POU6F2: variants seen among roughly 807,000 people sequenced by gnomAD.
POU6F2 encodes POU domain, class 6, transcription factor 2.
In POU6F2, 31 loss-of-function variants were observed where a neutral mutation model predicts 71.3. The observed-to-expected ratio is 0.43, with a 90% confidence interval of 0.33 to 0.59. The LOEUF (loss-of-function observed/expected upper bound fraction) is 0.59, where lower values mean the gene tolerates loss of function less well. POU6F2 is among the 20% of genes least tolerant of loss of function. POU6F2 has a pLI of 0.04. For synonymous variants in POU6F2, 347 were observed against 355.7 expected (o/e 0.98, Z 0.27); for missense variants, 783 against 856.8 (o/e 0.91, Z 1.07).
intron 3 of POU6F2, among the ~76,000 whole-genome samples, chr7:39,204,842 T>G (rs1436210525): frequency 6.6e-6 from 1 of 152,060 alleles, no homozygotes; most frequent in Non-Finnish European, 1.5e-5. Context: ...CCAATATTTG[T>G]TTTTTGCAGC....
intron 4 of POU6F2, among the ~76,000 whole-genome samples, chr7:39,286,156 C>G (rs757473063): frequency 2.6e-5 from 4 of 152,096 alleles, no homozygotes; most frequent in Non-Finnish European, 5.9e-5. Context: ...GGGGAGGGAA[C>G]CTCTGAAATA....
At chr7:39,432,263 C>T (rs1006057312) in intron 6 of POU6F2, among the ~76,000 whole-genome samples, 6 of 152,140 alleles carry the variant, frequency 3.9e-5, no homozygotes, top group African/African-American at 1.2e-4. Context: ...AAGAGCCTCC[C>T]CTGCCACCTG....
intron 5 of POU6F2, among the ~76,000 whole-genome samples, chr7:39,362,658 G>A (rs10282049): frequency 0.18 from 27,320 of 151,986 alleles, 2,972 homozygotes; most frequent in East Asian, 0.59. Flanking sequence ...AATCAAACAT[G>A]CATACAAATA....
At chr7:39,259,336 A>G (rs904067619) in intron 4 of POU6F2, among the ~76,000 whole-genome samples, 2 of 152,174 alleles carry the variant, frequency 1.3e-5, no homozygotes, top group Non-Finnish European at 1.5e-5. Context: ...CTGACTTTGT[A>G]TTGAGAAGTT....
intron 4 of POU6F2, among the ~76,000 whole-genome samples, chr7:39,301,638 T>C (rs1784950196): frequency 6.6e-6 from 1 of 152,216 alleles, no homozygotes; most frequent in Non-Finnish European, 1.5e-5. Context: ...ATTCCATCAG[T>C]CATTGCCCTG....
At chr7:39,450,709 C>T (rs937848939) in intron 7 of POU6F2, among the ~76,000 whole-genome samples, 6 of 152,166 alleles carry the variant, frequency 3.9e-5, no homozygotes, top group Non-Finnish European at 5.9e-5. Context: ...TAACTAAGAG[C>T]TCGGGTCCCA....
chr7:39,129,624 T>TAG (rs1792214405), intron 2 of POU6F2, among the ~76,000 whole-genome samples: 2 of 149,232 alleles, frequency 1.3e-5, no homozygotes, highest in Non-Finnish European at 3.0e-5. Context: ...ACAATAGATA[T>TAG]ATAGATAGAT....
At chr7:39,405,219 T>C (rs565565257) in intron 5 of POU6F2, among the ~76,000 whole-genome samples, 1 of 152,348 alleles carries the variant, frequency 6.6e-6, no homozygotes, top group East Asian at 1.9e-4. Context: ...TAAATTCCTG[T>C]CCTTTTTGAT....
At chr7:39,090,579 T>C (rs1791343986) in intron 2 of POU6F2, among the ~76,000 whole-genome samples, 1 of 152,114 alleles carries the variant, frequency 6.6e-6, no homozygotes, top group African/African-American at 2.4e-5. Flanking sequence ...GATTAACTAT[T>C]CTGGAGCCAG....
chr7:39,413,645 G>C (rs1171542817), intron 6 of POU6F2, among the ~76,000 whole-genome samples: 1 of 152,056 alleles, frequency 6.6e-6, no homozygotes, highest in Non-Finnish European at 1.5e-5. Context: ...ATTAAGTCAC[G>C]TTGTGTGAAC....
chr7:39,099,087 A>T (rs974405007), intron 2 of POU6F2, among the ~76,000 whole-genome samples: 1 of 152,208 alleles, frequency 6.6e-6, no homozygotes, highest in African/African-American at 2.4e-5. Flanking sequence ...TGGAGGTTCT[A>T]CAGGGGACAA....
intron 7 of POU6F2, among the ~76,000 whole-genome samples, chr7:39,450,806 T>C (rs1788642522): frequency 6.6e-6 from 1 of 152,198 alleles, no homozygotes; most frequent in Non-Finnish European, 1.5e-5. Context: ...GTGCCTCAGC[T>C]TCCCTGTTTG....
intron 4 of POU6F2, among the ~76,000 whole-genome samples, chr7:39,214,785 G>C (rs963785295): frequency 1.3e-5 from 2 of 152,172 alleles, no homozygotes; most frequent in African/African-American, 2.4e-5. Flanking sequence ...AGAGTCTACA[G>C]GTTCTATCAA....
intron 4 of POU6F2, among the ~76,000 whole-genome samples, chr7:39,296,591 C>T (rs1784848839): frequency 6.6e-6 from 1 of 152,184 alleles, no homozygotes; most frequent in African/African-American, 2.4e-5. Context: ...TCTCCTGACT[C>T]CCTCCCACTG....
intron 5 of POU6F2, among the ~76,000 whole-genome samples, chr7:39,370,366 GC>G (rs1193802922): frequency 1.3e-5 from 2 of 152,180 alleles, no homozygotes; most frequent in African/African-American, 4.8e-5. Context: ...GACAGCAGTT[GC>G]TCTCAAAGAC....
intron 2 of POU6F2, among the ~76,000 whole-genome samples, chr7:39,125,494 G>A (rs1409037446): frequency 1.3e-5 from 2 of 152,018 alleles, no homozygotes; most frequent in African/African-American, 4.8e-5. Context: ...GAAACTCCAA[G>A]ATTGAAGCAT....
chr7:39,050,636 C>A (rs1190233199), intron 1 of POU6F2, among the ~76,000 whole-genome samples: 3 of 152,144 alleles, frequency 2.0e-5, no homozygotes, highest in Admixed American at 2.0e-4. Flanking sequence ...ATTCCCTTGT[C>A]TTTGATATTG....
intron 5 of POU6F2, among the ~76,000 whole-genome samples, chr7:39,386,522 G>A (rs1356225726): frequency 1.3e-5 from 2 of 152,160 alleles, no homozygotes; most frequent in Non-Finnish European, 2.9e-5. Flanking sequence ...CTCCTCTGAG[G>A]ACAAGGGAGA....
intron 4 of POU6F2, among the ~76,000 whole-genome samples, chr7:39,230,538 G>T (rs893048509): frequency 1.3e-5 from 2 of 151,590 alleles, no homozygotes; most frequent in Non-Finnish European, 2.9e-5. Context: ...ACAAAATTTT[G>T]GTATGCTGAG....
Sources: gnomAD v4.1 joint callset for allele counts (sites outside exome capture counted in the v4.1 genomes callset) on GRCh38, gnomAD v4.1.1 for gene constraint, MANE v1.5 for transcripts, NCBI Gene and HGNC (gene_info 2026-07-23, HGNC 2026-07-21) for gene names.